Variants in CDH12 observed in about 807,000 individuals in gnomAD.
CDH12 encodes cadherin 12, also known as cadherin-12.
Under a neutral mutation model 74.1 loss-of-function variants are expected in CDH12, and 41 were observed. The ratio of observed to expected loss-of-function variants is 0.55; its 90% CI spans 0.43 to 0.72. The LOEUF (loss-of-function observed/expected upper bound fraction) is 0.72, where lower values mean the gene tolerates loss of function less well. Ranked by LOEUF, CDH12 falls within the 30% of genes least tolerant of loss-of-function variation. The probability of loss-of-function intolerance (pLI) is 0.00; values close to 1 mark genes in which losing one functional copy is unlikely to be tolerated. For missense variants in CDH12, 945 were observed against 977.2 expected (o/e 0.97, Z 0.44); for synonymous variants, 399 against 355.0 (o/e 1.12, Z -1.39).
At chr5:22,797,154 A>AGCCCCCAT (rs1026685588) in intron 1 of CDH12, among the ~76,000 whole-genome samples, 3 of 143,774 alleles carry the variant, frequency 2.1e-5, no homozygotes, top group African/African-American at 7.7e-5. Context: ...ATGAGGGTGG[A>AGCCCCCAT]GCCCCCATGA....
chr5:22,846,411 T>C (rs1373021510), intron 1 of CDH12, among the ~76,000 whole-genome samples: 1 of 152,110 alleles, frequency 6.6e-6, no homozygotes, highest in Admixed American at 6.6e-5. Flanking sequence ...ATTCTCTAGA[T>C]AGAGAGATGA....
chr5:21,959,485 A>T (rs996506611), intron 6 of CDH12, among the ~76,000 whole-genome samples: 2 of 152,292 alleles, frequency 1.3e-5, no homozygotes, highest in African/African-American at 4.8e-5. Flanking sequence ...CCTATCTCAC[A>T]TGTGATGACA....
chr5:22,078,375 C>A, intron 5 of CDH12, 71 bp downstream of exon 5: 1 of 1,355,858 alleles, frequency 7.4e-7, no homozygotes, highest in South Asian at 1.3e-5. Context: ...CTGTGCAAAA[C>A]ATCCATACAA....
chr5:21,813,104 A>C (rs1465285051), intron 9 of CDH12, among the ~76,000 whole-genome samples: 1 of 152,044 alleles, frequency 6.6e-6, no homozygotes, highest in Non-Finnish European at 1.5e-5. Flanking sequence ...GTTTACTTCT[A>C]TGGTCTCTTA....
At chr5:22,564,584 T>G (rs1256883177) in intron 1 of CDH12, among the ~76,000 whole-genome samples, 1 of 152,260 alleles carries the variant, frequency 6.6e-6, no homozygotes, top group Admixed American at 6.5e-5. Context: ...TTTTTACTTA[T>G]GCGATTTTCT....
chr5:21,928,008 C>T (rs892390289), intron 6 of CDH12, among the ~76,000 whole-genome samples: 3 of 151,544 alleles, frequency 2.0e-5, no homozygotes, highest in African/African-American at 7.3e-5. Context: ...GGAGGCGGAG[C>T]TTGCAATGAG....
At chr5:22,667,220 G>A (rs987388354) in intron 1 of CDH12, among the ~76,000 whole-genome samples, 1 of 152,100 alleles carries the variant, frequency 6.6e-6, no homozygotes, top group Admixed American at 6.6e-5. Flanking sequence ...TGTGTGTTGA[G>A]AGCTGAAAGT....
intron 2 of CDH12, among the ~76,000 whole-genome samples, chr5:22,465,421 G>A (rs1338375896): frequency 1.3e-5 from 2 of 152,192 alleles, no homozygotes; most frequent in Non-Finnish European, 2.9e-5. Context: ...GAATAGGGGA[G>A]GATCCCTTGA....
chr5:22,157,005 T>G (rs896545998), intron 4 of CDH12, among the ~76,000 whole-genome samples: 1 of 152,126 alleles, frequency 6.6e-6, no homozygotes, highest in Non-Finnish European at 1.5e-5. Flanking sequence ...TGAACTCTAG[T>G]ATTAACAGGT....
intron 1 of CDH12, among the ~76,000 whole-genome samples, chr5:22,559,684 T>A (rs917855830): frequency 3.9e-5 from 6 of 152,146 alleles, no homozygotes; most frequent in African/African-American, 1.4e-4. Flanking sequence ...ATTTTAACTG[T>A]ATGAAAGTTA....
At chr5:22,425,245 T>G (rs1451903432) in intron 2 of CDH12, among the ~76,000 whole-genome samples, 1 of 149,622 alleles carries the variant, frequency 6.7e-6, no homozygotes, top group Non-Finnish European at 1.5e-5. Context: ...TCATAATTCA[T>G]TTTTACTAAC....
At chr5:22,432,796 T>C (rs188820888) in intron 2 of CDH12, among the ~76,000 whole-genome samples, 2 of 152,306 alleles carry the variant, frequency 1.3e-5, no homozygotes, top group East Asian at 1.9e-4. Context: ...ATTTTGATTT[T>C]CTTTCAATAA....
intron 5 of CDH12, among the ~76,000 whole-genome samples, chr5:22,033,980 G>T (rs754651316): frequency 6.6e-6 from 1 of 152,166 alleles, no homozygotes; most frequent in Non-Finnish European, 1.5e-5. Context: ...TTTTCTTCCT[G>T]TCTGGCACCT....
At chr5:22,580,057 A>G (rs2126781293) in intron 1 of CDH12, among the ~76,000 whole-genome samples, 1 of 152,196 alleles carries the variant, frequency 6.6e-6, no homozygotes, top group Non-Finnish European at 1.5e-5. Flanking sequence ...TTTTTAGCCA[A>G]CGATGCTCTG....
chr5:22,370,573 T>C (rs900396259), intron 3 of CDH12, among the ~76,000 whole-genome samples: 12 of 152,190 alleles, frequency 7.9e-5, no homozygotes, highest in Non-Finnish European at 1.5e-4. Context: ...TTTGCTAACA[T>C]CTTTGAGTAT....
At chr5:22,427,314 C>T (rs182229454) in intron 2 of CDH12, among the ~76,000 whole-genome samples, 69 of 152,104 alleles carry the variant, frequency 4.5e-4, no homozygotes, top group Non-Finnish European at 8.2e-4. Context: ...ACTACAGGCA[C>T]GCACCACCAC....
chr5:21,894,584 A>C (rs1753039797), intron 6 of CDH12, among the ~76,000 whole-genome samples: 1 of 152,112 alleles, frequency 6.6e-6, no homozygotes, highest in Admixed American at 6.5e-5. Flanking sequence ...GTACACAAAT[A>C]CCCACAATAA....
intron 1 of CDH12, among the ~76,000 whole-genome samples, chr5:22,615,975 C>A (rs551954805): frequency 6.6e-6 from 1 of 152,074 alleles, no homozygotes; most frequent in Non-Finnish European, 1.5e-5. Context: ...TTTTGAGAGG[C>A]AAGGCTTTAA....
chr5:22,675,111 C>T (rs749537459), intron 1 of CDH12, among the ~76,000 whole-genome samples: 11 of 152,206 alleles, frequency 7.2e-5, no homozygotes, highest in Non-Finnish European at 1.3e-4. Context: ...GTTATGTTAA[C>T]AGAAGAGACC....
Sources: allele counts gnomAD v4.1 joint callset (sites outside exome capture counted in the v4.1 genomes callset), GRCh38; gene constraint gnomAD v4.1.1; transcripts MANE v1.5; gene names NCBI Gene and HGNC (gene_info 2026-07-23, HGNC 2026-07-21).